The following KCNQ5 variants were observed in gnomAD, a reference collection of about 807,000 sequenced individuals.
The protein encoded by KCNQ5 is potassium voltage-gated channel subfamily Q member 5.
Under a neutral mutation model 98.2 loss-of-function variants are expected in KCNQ5, and 30 were observed. That is an observed-to-expected ratio of 0.31 (90% CI 0.23 to 0.41). The LOEUF (loss-of-function observed/expected upper bound fraction) is 0.41. Ranked by LOEUF, KCNQ5 falls within the 10% of genes least tolerant of loss-of-function variation. The probability of loss-of-function intolerance (pLI) is 1.00; values close to 1 mark genes in which losing one functional copy is unlikely to be tolerated. For synonymous variants in KCNQ5, 458 were observed against 449.4 expected, an observed-to-expected ratio of 1.02 and a Z score of -0.24; for missense variants, 835 against 1,182.5, an observed-to-expected ratio of 0.71 and a Z score of 4.31.
In KCNQ5 at chr6:73,136,480, C is replaced by G. The variant is rs16883366; in HGVS notation, c.1468+2839C>G. On this transcript the variant is annotated intron_variant, in intron 10 of 13. Coordinates refer to ENST00000370398, the MANE Select transcript of KCNQ5 (RefSeq NM_019842.4). ...ACAAATTGGAGAGGTCTCCTGTCATCTATTTTCTAGGTCATTTCATACGAG... is the reference window on the plus strand; with the variant it reads ...ACAAATTGGAGAGGTCTCCTGTCATGTATTTTCTAGGTCATTTCATACGAG... 5.0e-3 allele frequency among the ~76,000 whole-genome samples: 768 copies of G among 152,330 alleles called. 23 individuals carry two copies. Among genetic ancestry groups the G allele is most frequent in the Admixed American group, 0.044 (679 of 15,308 alleles).
At chr6:72,936,198 A>G (rs1409047712) in intron 1 of KCNQ5, among the ~76,000 whole-genome samples, 1 of 152,230 alleles carries the variant, frequency 6.6e-6, no homozygotes, top group Non-Finnish European at 1.5e-5. Context: ...AAAATCAGAG[A>G]AATAATTTCC....
At chr6:73,041,872 AG>A (rs1771720876) in intron 2 of KCNQ5, 63 bp from the exon 3 acceptor site, 1 of 1,589,778 alleles carries the variant, frequency 6.3e-7, no homozygotes, top group East Asian at 2.2e-5. Context: ...AAATATGCAT[AG>A]AGCTTCTTAC....
At chr6:73,021,426 C>G (rs1051512215) in intron 2 of KCNQ5, among the ~76,000 whole-genome samples, 1 of 152,220 alleles carries the variant, frequency 6.6e-6, no homozygotes, top group Middle Eastern at 3.4e-3. Context: ...CACATGTATT[C>G]CTGTTTTATT....
chr6:72,716,252 T>A (rs1361807252), intron 1 of KCNQ5, among the ~76,000 whole-genome samples: 1 of 152,224 alleles, frequency 6.6e-6, no homozygotes, highest in Non-Finnish European at 1.5e-5. Flanking sequence ...AATATTTAAA[T>A]GGCTGTTCAT....
At chr6:72,995,621 A>T (rs1769260795) in intron 1 of KCNQ5, among the ~76,000 whole-genome samples, 1 of 152,164 alleles carries the variant, frequency 6.6e-6, no homozygotes, top group Non-Finnish European at 1.5e-5. Flanking sequence ...GAGGTACCTG[A>T]TAGGGGTGCT....
chr6:72,748,978 G>T (rs895384860), intron 1 of KCNQ5, among the ~76,000 whole-genome samples: 1 of 152,178 alleles, frequency 6.6e-6, no homozygotes, highest in Non-Finnish European at 1.5e-5. Flanking sequence ...ATGAGAAACA[G>T]ATGTGCCATG....
rs1214797915 is a variant in KCNQ5, at chr6:72,623,391, AGTGTGT to A, written c.398+835_398+840del. Among the ~76,000 whole-genome samples the A allele has an allele frequency of 6.1e-4, 88 of 143,146 alleles. No homozygotes were observed. In the South Asian group the frequency reaches 8.0e-3, roughly 13 times the overall value. 93.9% of individuals were successfully genotyped at this position (143,146 alleles called of 152,430 possible). ...CCCCGTTTGTGGCGCGGAGTCAAAG[AGTGTGT>A]GTGTGTGTGTGTGTGTGTGTGTGTG... is the stretch of plus-strand genomic sequence containing the variant. On this transcript the variant is annotated intron_variant, in intron 1 of 13. Transcript: ENST00000370398.
chr6:73,104,750 C>T (rs947613), intron 5 of KCNQ5, among the ~76,000 whole-genome samples: 145,727 of 152,284 alleles, frequency 0.96, 69,721 homozygotes, highest in South Asian at 0.98. Flanking sequence ...TCCTGTTTTG[C>T]ATTTTAATTA....
At chr6:72,835,091 T>C (rs146653845) in intron 1 of KCNQ5, among the ~76,000 whole-genome samples, 1 of 152,082 alleles carries the variant, frequency 6.6e-6, no homozygotes, top group East Asian at 1.9e-4. Flanking sequence ...ACAAGCAGGG[T>C]ACAACATGAA....
intron 1 of KCNQ5, among the ~76,000 whole-genome samples, chr6:72,699,093 G>T (rs1156311108): frequency 6.6e-6 from 1 of 152,040 alleles, no homozygotes; most frequent in Non-Finnish European, 1.5e-5. Context: ...CACTGTTTTG[G>T]CTGAATCTTA....
chr6:72,931,938 A>C (rs535351139), intron 1 of KCNQ5, among the ~76,000 whole-genome samples: 30 of 152,254 alleles, frequency 2.0e-4, no homozygotes, highest in African/African-American at 7.0e-4. Flanking sequence ...ATTACAGGTA[A>C]GCTCTCCCTC....
chr6:73,076,928 C>G (rs1773565907), intron 3 of KCNQ5, among the ~76,000 whole-genome samples: 1 of 152,174 alleles, frequency 6.6e-6, no homozygotes, highest in African/African-American at 2.4e-5. Context: ...AGGGCTGAGG[C>G]AGGAGATCCT....
intron 1 of KCNQ5, among the ~76,000 whole-genome samples, chr6:72,725,084 T>A (rs1366103413): frequency 6.6e-6 from 1 of 152,182 alleles, no homozygotes; most frequent in African/African-American, 2.4e-5. Flanking sequence ...GAGGATGTAT[T>A]TATTACTTAG....
intron 12 of KCNQ5, 67 bp from the exon 13 acceptor site, chr6:73,192,498 C>T: frequency 7.3e-7 from 1 of 1,372,920 alleles, no homozygotes; most frequent in Non-Finnish European, 9.6e-7. Context: ...TTCCAAAACT[C>T]TTCATTCTGA....
chr6:72,905,794 G>A (rs1029590705), intron 1 of KCNQ5, among the ~76,000 whole-genome samples: 10 of 152,154 alleles, frequency 6.6e-5, no homozygotes, highest in African/African-American at 2.2e-4. Flanking sequence ...TGTTCCAGTA[G>A]AGGTGTCAGG....
intron 1 of KCNQ5, among the ~76,000 whole-genome samples, chr6:72,911,287 G>A (rs1030891920): frequency 2.6e-5 from 4 of 152,128 alleles, no homozygotes; most frequent in African/African-American, 9.7e-5. Flanking sequence ...TAAGCCATTA[G>A]GGTGGAGCCC....
intron 1 of KCNQ5, among the ~76,000 whole-genome samples, chr6:72,694,074 A>G (rs1221667769): frequency 6.6e-6 from 1 of 152,220 alleles, no homozygotes; most frequent in African/African-American, 2.4e-5. Context: ...GGACAGTCCC[A>G]TTCCAGCCCA....
chr6:72,910,728 G>A (rs1437508155), intron 1 of KCNQ5, among the ~76,000 whole-genome samples: 1 of 151,824 alleles, frequency 6.6e-6, no homozygotes, highest in Admixed American at 6.6e-5. Context: ...TGTGTCTCTG[G>A]ATAACTACAT....
Position 72,720,484 on chromosome 6 carries a change from C to A in KCNQ5, c.398+97897C>A, listed in dbSNP as rs569831135. Among the ~76,000 whole-genome samples the A allele has an allele frequency of 6.6e-5, 10 of 152,204 alleles. 1 individual carries two copies. The highest frequency in any genetic ancestry group is 2.4e-4 in the African/African-American group (10 of 41,536). On this transcript the variant is annotated intron_variant, in intron 1 of 13. Coordinates refer to ENST00000370398, the MANE Select transcript of KCNQ5 (RefSeq NM_019842.4). The stretch of plus-strand genomic sequence containing the variant: ...GCTGAGTCTTTGGAAAAAGTGATTG[C>A]AAAGGCTGTTTTCTTTTCCCTTGTT...
Sources: gnomAD v4.1 joint callset for allele counts (sites outside exome capture counted in the v4.1 genomes callset) on GRCh38, gnomAD v4.1.1 for gene constraint, MANE v1.5 for transcripts, NCBI Gene and HGNC (gene_info 2026-07-23, HGNC 2026-07-21) for gene names.